The following SCHIP1 variants were observed in gnomAD, a reference collection of about 807,000 sequenced individuals.
The protein encoded by SCHIP1 is schwannomin-interacting protein 1.
Under a neutral mutation model 29.7 loss-of-function variants are expected in SCHIP1, and 8 were observed. That is an observed-to-expected ratio of 0.27 (90% CI 0.16 to 0.49). SCHIP1 has a LOEUF of 0.49. Among genes scored for constraint, SCHIP1 ranks in the 20% least tolerant of loss-of-function variants. The probability of loss-of-function intolerance (pLI) is 0.99; values close to 1 mark genes in which losing one functional copy is unlikely to be tolerated. For missense variants in SCHIP1, 193 were observed against 294.6 expected (o/e 0.66, Z 2.52); for synonymous variants, 76 against 94.9 (o/e 0.80, Z 1.16).
chr3:159,285,258 C>T, the SCHIP1 span, among the ~76,000 whole-genome samples: 3 of 152,108 alleles, frequency 2.0e-5, no homozygotes, highest in Non-Finnish European at 4.4e-5. Flanking sequence ...ACTAATTAAT[C>T]AAATATTCAC....
At chr3:159,300,113 C>T in the SCHIP1 span, among the ~76,000 whole-genome samples, 84 of 45,358 alleles carry the variant, frequency 1.9e-3, no homozygotes, top group African/African-American at 2.1e-3. Context: ...GGGAAAGCTG[C>T]TTTTTTTTTT....
chr3:159,507,026 G>A, the SCHIP1 span, among the ~76,000 whole-genome samples: 1 of 152,150 alleles, frequency 6.6e-6, no homozygotes, highest in Non-Finnish European at 1.5e-5. Flanking sequence ...AGCTTGATGA[G>A]GATGGCATTG....
the SCHIP1 span, among the ~76,000 whole-genome samples, chr3:159,473,990 A>G: frequency 6.6e-6 from 1 of 152,094 alleles, no homozygotes. Context: ...TCATTCCAAA[A>G]TGCAGGTTAA....
rs546377494 is a variant in SCHIP1, at chr3:159,855,043, C to T, written c.31-11120C>T. ...ATTATCTAACAAAGGCAGTAGAATG[C>T]CGCATATGATTTCAGTATCTGATAG... On this transcript the variant is annotated intron_variant, in intron 1 of 6. Transcript: ENST00000445224. Among the ~76,000 whole-genome samples the T allele has an allele frequency of 2.6e-5, 4 of 152,252 alleles. No homozygotes were observed. The South Asian group carries it at 8.3e-4, about 32-fold the overall frequency.
At chr3:159,732,368 A>C in the SCHIP1 span, among the ~76,000 whole-genome samples, 54 of 152,284 alleles carry the variant, frequency 3.5e-4, no homozygotes, top group African/African-American at 1.3e-3. Context: ...GTCCCTGGGA[A>C]GTTTGCGGGC....
the SCHIP1 span, among the ~76,000 whole-genome samples, chr3:159,432,538 G>A: frequency 1.3e-5 from 2 of 152,106 alleles, no homozygotes; most frequent in African/African-American, 4.8e-5. Context: ...GAAATAAGGA[G>A]TATCAAGGAA....
chr3:159,423,536 G>A, the SCHIP1 span, among the ~76,000 whole-genome samples: 1 of 152,260 alleles, frequency 6.6e-6, no homozygotes, highest in Non-Finnish European at 1.5e-5. Context: ...GGCTTGCTTA[G>A]GTAAACAAAG....
chr3:159,399,326 T>C, the SCHIP1 span, among the ~76,000 whole-genome samples: 1 of 152,158 alleles, frequency 6.6e-6, no homozygotes, highest in African/African-American at 2.4e-5. Flanking sequence ...CATCTTGTAT[T>C]GTATTGTATT....
At chr3:159,369,521 A>G in the SCHIP1 span, among the ~76,000 whole-genome samples, 1 of 152,060 alleles carries the variant, frequency 6.6e-6, no homozygotes, top group African/African-American at 2.4e-5. Context: ...TTGGGGGGGG[A>G]ATAAAATAAA....
At chr3:159,348,647 A>G in the SCHIP1 span, among the ~76,000 whole-genome samples, 2 of 152,308 alleles carry the variant, frequency 1.3e-5, no homozygotes, top group South Asian at 2.1e-4. Context: ...TGCCAGGAAG[A>G]ATTCCACAAC....
the SCHIP1 span, among the ~76,000 whole-genome samples, chr3:159,509,283 AT>A: frequency 4.1e-4 from 63 of 152,282 alleles, no homozygotes; most frequent in African/African-American, 1.4e-3. Flanking sequence ...AGAGACTAGG[AT>A]TGCAACCCCT....
chr3:159,439,618 A>G, the SCHIP1 span, among the ~76,000 whole-genome samples: 17 of 152,176 alleles, frequency 1.1e-4, no homozygotes, highest in Non-Finnish European at 1.8e-4. Flanking sequence ...TTTGATTTGC[A>G]TTACTCTAAT....
the SCHIP1 span, among the ~76,000 whole-genome samples, chr3:159,625,674 T>C: frequency 4.6e-5 from 7 of 152,102 alleles, no homozygotes; most frequent in Admixed American, 2.0e-4. Flanking sequence ...CTCTTTTTTG[T>C]TTCCAGAAAG....
chr3:159,736,830 G>T, the SCHIP1 span, among the ~76,000 whole-genome samples: 6 of 152,124 alleles, frequency 3.9e-5, no homozygotes, highest in East Asian at 1.2e-3. Context: ...CGCCTCCCGG[G>T]TTCACGCCAT....
the SCHIP1 span, among the ~76,000 whole-genome samples, chr3:159,275,878 C>T: frequency 6.6e-6 from 1 of 151,988 alleles, no homozygotes; most frequent in Non-Finnish European, 1.5e-5. Context: ...TGTATGTGAA[C>T]AATCTTAAAT....
intron 1 of SCHIP1, among the ~76,000 whole-genome samples, chr3:159,859,689 T>C (rs2109192648): frequency 6.6e-6 from 1 of 152,274 alleles, no homozygotes; most frequent in Non-Finnish European, 1.5e-5. Context: ...GGCTTCAGAG[T>C]CTGGCCATGC....
intron 2 of SCHIP1, among the ~76,000 whole-genome samples, chr3:159,870,499 G>C (rs1251454724): frequency 6.6e-6 from 1 of 151,798 alleles, no homozygotes; most frequent in East Asian, 1.9e-4. Context: ...ATTTCACTCT[G>C]TTAATCTATT....
chr3:159,585,495 T>C, the SCHIP1 span, among the ~76,000 whole-genome samples: 2 of 152,170 alleles, frequency 1.3e-5, no homozygotes, highest in Non-Finnish European at 2.9e-5. Flanking sequence ...GAGAAAATGT[T>C]CAAGAATGAT....
chr3:159,556,710 T>C, the SCHIP1 span, among the ~76,000 whole-genome samples: 2 of 137,652 alleles, frequency 1.5e-5, no homozygotes, highest in South Asian at 4.5e-4. Flanking sequence ...TAGGTGGGAA[T>C]TGAACAATGA....
Sources: allele counts gnomAD v4.1 joint callset (sites outside exome capture counted in the v4.1 genomes callset), GRCh38; gene constraint gnomAD v4.1.1; transcripts MANE v1.5; gene names NCBI Gene and HGNC (gene_info 2026-07-23, HGNC 2026-07-21).